The following PDE10A variants were observed in gnomAD, a reference collection of about 807,000 sequenced individuals.
PDE10A encodes cAMP and cAMP-inhibited cGMP 3',5'-cyclic phosphodiesterase 10A.
In PDE10A, 39 loss-of-function variants were observed where a neutral mutation model predicts 97.7. That is an observed-to-expected ratio of 0.40 (90% CI 0.31 to 0.52). The LOEUF is 0.52. Ranked by LOEUF, PDE10A falls within the 20% of genes least tolerant of loss-of-function variation. The pLI is 0.56. For synonymous variants in PDE10A, 371 were observed against 376.8 expected (o/e 0.98, Z 0.18); for missense variants, 731 against 1,047.8 (o/e 0.70, Z 4.17).
chr6:165,804,845 C>T (rs1779077587), intron 1 of PDE10A, among the ~76,000 whole-genome samples: 2 of 151,784 alleles, frequency 1.3e-5, no homozygotes, highest in Admixed American at 6.5e-5. Context: ...AGCTGCAGCT[C>T]CGAAGCTCCC....
chr6:165,492,040 C>T (rs1780256997), intron 2 of PDE10A, among the ~76,000 whole-genome samples: 1 of 151,950 alleles, frequency 6.6e-6, no homozygotes, highest in Non-Finnish European at 1.5e-5. Flanking sequence ...ACAAACAACA[C>T]CACACAAATA....
At chr6:165,419,209 G>C (rs1045608883) in intron 10 of PDE10A, among the ~76,000 whole-genome samples, 1 of 152,290 alleles carries the variant, frequency 6.6e-6, no homozygotes, top group East Asian at 1.9e-4. Flanking sequence ...CACTCATTCT[G>C]ATTAGTTGAA....
intron 3 of PDE10A, among the ~76,000 whole-genome samples, chr6:165,476,552 T>A (rs1779309087): frequency 2.0e-5 from 3 of 151,960 alleles, no homozygotes; most frequent in Admixed American, 6.6e-5. Context: ...TTGAAGAGAA[T>A]GAAATAAATG....
At chr6:165,503,143 G>T (rs1780991191) in intron 2 of PDE10A, among the ~76,000 whole-genome samples, 1 of 152,046 alleles carries the variant, frequency 6.6e-6, no homozygotes, top group African/African-American at 2.4e-5. Context: ...CTTGTCTAGG[G>T]TGTACTCCTG....
chr6:165,794,633 C>T (rs1460506796), intron 1 of PDE10A, among the ~76,000 whole-genome samples: 1 of 152,024 alleles, frequency 6.6e-6, no homozygotes, highest in Non-Finnish European at 1.5e-5. Flanking sequence ...GTATCTCACA[C>T]AACCCACACT....
chr6:165,579,234 C>A (rs1785480505), intron 1 of PDE10A, among the ~76,000 whole-genome samples: 1 of 152,176 alleles, frequency 6.6e-6, no homozygotes, highest in Non-Finnish European at 1.5e-5. Context: ...AAGATTTAAC[C>A]TTGAGAATGA....
At chr6:165,596,019 T>C (rs889110807) in intron 1 of PDE10A, among the ~76,000 whole-genome samples, 1 of 152,188 alleles carries the variant, frequency 6.6e-6, no homozygotes, top group Non-Finnish European at 1.5e-5. Context: ...AGAAATATTA[T>C]ATTCACAAGA....
intron 1 of PDE10A, among the ~76,000 whole-genome samples, chr6:165,849,580 C>T (rs1042188881): frequency 6.6e-6 from 1 of 152,206 alleles, no homozygotes; most frequent in Non-Finnish European, 1.5e-5. Flanking sequence ...TCATGTATTC[C>T]ATTCGCTGCC....
At chr6:165,626,811 A>C (rs900314550) in intron 1 of PDE10A, among the ~76,000 whole-genome samples, 1 of 152,192 alleles carries the variant, frequency 6.6e-6, no homozygotes, top group Non-Finnish European at 1.5e-5. Flanking sequence ...GACAGTTAAC[A>C]AACACAAAGG....
At chr6:165,395,324 A>G in intron 14 of PDE10A, 60 bp from the exon 15 acceptor site, 1 of 1,175,444 alleles carries the variant, frequency 8.5e-7, no homozygotes, top group Non-Finnish European at 1.3e-6. Context: ...CAGTAAGTAA[A>G]GAAAAGCATT....
chr6:165,494,979 T>C (rs925678157), intron 2 of PDE10A, among the ~76,000 whole-genome samples: 3 of 152,118 alleles, frequency 2.0e-5, no homozygotes, highest in Non-Finnish European at 4.4e-5. Context: ...AGTATTTCTA[T>C]GAACATTCAT....
intron 1 of PDE10A, among the ~76,000 whole-genome samples, chr6:165,627,619 G>A (rs1209430848): frequency 6.6e-6 from 1 of 152,214 alleles, no homozygotes; most frequent in Non-Finnish European, 1.5e-5. Flanking sequence ...TGGGAAGTGG[G>A]AGTGTCACCT....
intron 2 of PDE10A, among the ~76,000 whole-genome samples, chr6:165,505,817 T>C (rs1328854140): frequency 1.3e-5 from 2 of 152,104 alleles, no homozygotes; most frequent in Non-Finnish European, 2.9e-5. Context: ...TTCACCATGA[T>C]CAGGCTACAG....
chr6:165,909,928 C>T (rs1782406047), intron 1 of PDE10A, among the ~76,000 whole-genome samples: 1 of 152,188 alleles, frequency 6.6e-6, no homozygotes, highest in Non-Finnish European at 1.5e-5. Context: ...CTCTACAAAG[C>T]CCTCTCCCTG....
At chr6:165,730,705 A>G (rs1792409957) in intron 1 of PDE10A, among the ~76,000 whole-genome samples, 1 of 148,478 alleles carries the variant, frequency 6.7e-6, no homozygotes, top group African/African-American at 2.5e-5. Flanking sequence ...GTGAGCCGAG[A>G]TCATGCCACT....
Position 165,332,337 on chromosome 6 carries a change from A to C in PDE10A, c.*688T>G, listed in dbSNP as rs2128172311. 6.6e-6 allele frequency: 1 copy of C among 152,374 alleles called. No individual in the cohort carries two copies. Among genetic ancestry groups the C allele is most frequent in the South Asian group, 2.1e-4 (1 of 4,834 alleles). 9.4% of individuals were successfully genotyped at this position (152,374 alleles called of 1,614,324 possible). A position where few individuals can be genotyped will look rare whatever the true frequency, so the allele number is the denominator to read the frequency against. ...TAACATATACCTCATCTCTTCTCAAAAAGACAGGAAGTCTACTTCGTCTAG... is the reference window on the plus strand; with the variant it reads ...TAACATATACCTCATCTCTTCTCAACAAGACAGGAAGTCTACTTCGTCTAG... On this transcript the variant is annotated 3_prime_UTR_variant, in exon 22 of 22. Transcript: ENST00000539869.
intron 1 of PDE10A, among the ~76,000 whole-genome samples, chr6:165,721,648 A>G (rs1275870011): frequency 6.6e-6 from 1 of 152,218 alleles, no homozygotes; most frequent in Non-Finnish European, 1.5e-5. Context: ...CAAGAAGGAT[A>G]TTCGATTTCC....
intron 1 of PDE10A, among the ~76,000 whole-genome samples, chr6:165,903,007 C>T (rs143003689): frequency 6.6e-6 from 1 of 152,344 alleles, no homozygotes; most frequent in Non-Finnish European, 1.5e-5. Context: ...ACTAACACTA[C>T]AAATTGAGCA....
chr6:165,666,638 C>A (rs1207027266), upstream of PDE10A, among the ~76,000 whole-genome samples: 2 of 152,108 alleles, frequency 1.3e-5, no homozygotes, highest in African/African-American at 4.8e-5. Context: ...CATTTATTCA[C>A]ATGCTCCCGG....
Sources: gnomAD v4.1 joint callset for allele counts (sites outside exome capture counted in the v4.1 genomes callset) on GRCh38, gnomAD v4.1.1 for gene constraint, MANE v1.5 for transcripts, NCBI Gene and HGNC (gene_info 2026-07-23, HGNC 2026-07-21) for gene names.